The following PTRH1 variants were observed in gnomAD, a reference collection of about 807,000 sequenced individuals.
The protein encoded by PTRH1 is peptidyl-tRNA hydrolase 1 homolog, also known as peptidyl-tRNA hydrolase.
PTRH1 carries 13 observed loss-of-function variants against 15.7 expected under a neutral mutation model. That is an observed-to-expected ratio of 0.83 (90% CI 0.54 to 1.31). PTRH1 has a LOEUF of 1.31. PTRH1 is among the 40% of genes most tolerant of loss of function. The probability of loss-of-function intolerance (pLI) is 0.00; values close to 1 mark genes in which losing one functional copy is unlikely to be tolerated. For synonymous variants in PTRH1, 139 were observed against 136.7 expected, an observed-to-expected ratio of 1.02 and a Z score of -0.12; for missense variants, 319 against 296.2, an observed-to-expected ratio of 1.08 and a Z score of -0.56.
chr9:127,713,713 G>T, downstream of PTRH1: 1 of 745,044 alleles, frequency 1.3e-6, no homozygotes, highest in Admixed American at 2.0e-5. Context: ...CACCATGTTG[G>T]CCAGGCTGGT....
At chr9:127,712,023 C>A, downstream of PTRH1, 1 of 1,539,128 alleles carries the variant, frequency 6.5e-7, no homozygotes. Flanking sequence ...TCTTTCCGAT[C>A]CCACGACCCA....
intron 1 of PTRH1, among the ~76,000 whole-genome samples, chr9:127,702,878 ATT>A (rs768006652): frequency 5.0e-5 from 7 of 140,468 alleles, no homozygotes; most frequent in Non-Finnish European, 4.7e-5. Context: ...CGCCTGGCTA[ATT>A]TTTTTTTTTT....
intron 1 of PTRH1, among the ~76,000 whole-genome samples, chr9:127,699,813 A>G (rs1416715052): frequency 2.0e-5 from 3 of 152,124 alleles, no homozygotes; most frequent in Admixed American, 6.5e-5. Flanking sequence ...TGTCTATTGC[A>G]TAATGGTCAC....
chr9:127,709,436 G>A (rs1842713566), downstream of PTRH1: 1 of 1,613,360 alleles, frequency 6.2e-7, no homozygotes, highest in Non-Finnish European at 8.5e-7. The surrounding 1 kb of genome is among the most constrained non-coding windows in gnomAD (Gnocchi z 4.7). Context: ...CAGCGGAAGT[G>A]GGATGAGCTG....
rs887426526 is a variant in PTRH1 at position 127,707,307 on chromosome 9, A to C, written c.205+8128T>G. 5.3e-6 allele frequency: 6 copies of C among 1,140,316 alleles called. No individual in the cohort carries two copies. In the African/African-American group the frequency reaches 7.7e-5, roughly 15 times the overall value. 70.6% of individuals were successfully genotyped at this position (1,140,316 alleles called of 1,614,324 possible). A position where few individuals can be genotyped will look rare whatever the true frequency, so the allele number is the denominator to read the frequency against. The stretch of plus-strand genomic sequence containing the variant: ...GGCCTGTGTTCTGACCTCCCCTGGG[A>C]TGTCCAGACCCCATCCCGACCCCAG... On this transcript the variant is annotated intron_variant, in intron 1 of 2. Coordinates refer to the PTRH1 transcript ENST00000335223.
downstream of PTRH1, among the ~76,000 whole-genome samples, chr9:127,710,091 A>C (rs1340703721): frequency 6.6e-6 from 1 of 152,076 alleles, no homozygotes; most frequent in Non-Finnish European, 1.5e-5. Context: ...TAGGCAACAT[A>C]GCGACACTCC....
chr9:127,709,570 C>G, downstream of PTRH1: 1 of 1,614,122 alleles, frequency 6.2e-7, no homozygotes, highest in Admixed American at 1.7e-5. This position sits in a 1 kb window ranked among gnomAD's most constrained non-coding sequence, Gnocchi z 4.7. Flanking sequence ...CCTCAACGAG[C>G]AGCTCCAGAA....
downstream of PTRH1, chr9:127,711,303 G>T (rs763234448): frequency 6.2e-7 from 1 of 1,614,178 alleles, no homozygotes; most frequent in South Asian, 1.1e-5. Context: ...AACCGGATGT[G>T]GGAGACAACC....
intron 1 of PTRH1, among the ~76,000 whole-genome samples, chr9:127,699,638 C>T (rs1842589367): frequency 6.6e-6 from 1 of 151,816 alleles, no homozygotes; most frequent in Non-Finnish European, 1.5e-5. Flanking sequence ...ATTGGTGAAG[C>T]GTTCCATATT....
rs975192083 is a variant in PTRH1, at chr9:127,715,099, C to A, written c.192G>T (p.Glu64Asp). 2 of 1,533,284 alleles carry A rather than the reference C, an allele frequency of 1.3e-6. No individual in the cohort carries two copies. The highest frequency in any genetic ancestry group is 1.7e-6 in the Non-Finnish European group (2 of 1,145,752). The allele number at this position is 1,533,284 out of a possible 1,614,324, so 95.0% of individuals were successfully genotyped here. ...GQLARRLGVA[E>D]SWTRDRHCAA... Reference sequence around the variant, plus strand: ...CACAGTGCCGGTCGCGCGTCCAACTCTCCGCCACACCCAGCCGCCGCGCCA... The same window carrying A: ...CACAGTGCCGGTCGCGCGTCCAACTATCCGCCACACCCAGCCGCCGCGCCA... Residue 64 changes from glutamate (E) to aspartate (D), a missense_variant, in exon 2 of 5, where the codon GAG (glutamate) becomes GAT (aspartate). Physicochemically the swap from Glu to Asp is conservative, Grantham distance 45. Coordinates refer to ENST00000543175, the MANE Select transcript of PTRH1 (RefSeq NM_001002913.3). This position sits in a 1 kb window ranked among gnomAD's most constrained non-coding sequence, Gnocchi z 5.8.
chr9:127,698,852 T>C (rs1036512963), intron 1 of PTRH1, among the ~76,000 whole-genome samples: 3 of 151,664 alleles, frequency 2.0e-5, no homozygotes, highest in African/African-American at 7.3e-5. Flanking sequence ...AGTTCCTGAA[T>C]TAGCCGCCCC....
intron 1 of PTRH1, among the ~76,000 whole-genome samples, chr9:127,699,726 A>C (rs940724878): frequency 2.0e-5 from 3 of 151,912 alleles, no homozygotes; most frequent in African/African-American, 4.8e-5. Context: ...GAAAAAAAAA[A>C]CAAAAAAACT....
At chr9:127,704,452 G>A (rs1002521146) in intron 1 of PTRH1, among the ~76,000 whole-genome samples, 1 of 148,802 alleles carries the variant, frequency 6.7e-6, no homozygotes, top group Admixed American at 6.8e-5. Flanking sequence ...GAGGTTGCGA[G>A]CCGAGATGGT....
downstream of PTRH1, among the ~76,000 whole-genome samples, chr9:127,711,662 G>C (rs565337280): frequency 6.6e-6 from 1 of 152,340 alleles, no homozygotes; most frequent in East Asian, 1.9e-4. Flanking sequence ...CCTAGCTCCG[G>C]ATTGTATTTA....
At chr9:127,709,323 C>A (rs111737622), downstream of PTRH1, 4,711 of 1,292,126 alleles carry the variant, frequency 3.6e-3, 139 homozygotes, top group African/African-American at 0.06. This position sits in a 1 kb window ranked among gnomAD's most constrained non-coding sequence, Gnocchi z 4.7. Flanking sequence ...CTCAAATGCC[C>A]CTTTACGGGA....
Position 127,714,440 on chromosome 9 carries a change from GA to G in PTRH1, c.417-17del. ...ATTGTGGCCCCTTCAAGGGATATGG[GA>G]GGGGCAGTTAGTGCCTCCCTGGGGC... On this transcript the variant is annotated splice_polypyrimidine_tract_variant and intron_variant, in intron 3 of 4. Transcript: ENST00000543175. 1 of 1,614,048 alleles carries G rather than the reference GA, an allele frequency of 6.2e-7. No homozygotes were observed. The highest frequency in any genetic ancestry group is 8.5e-7 in the Non-Finnish European group (1 of 1,179,920).
At chr9:127,699,998 C>T (rs142036389) in intron 1 of PTRH1, among the ~76,000 whole-genome samples, 2,146 of 151,974 alleles carry the variant, frequency 0.014, 53 homozygotes, top group African/African-American at 0.05. Context: ...CTGGCCAACA[C>T]GGTGAAACCC....
At chr9:127,711,876 C>T (rs191601743), downstream of PTRH1, 25 of 1,589,206 alleles carry the variant, frequency 1.6e-5, no homozygotes, top group South Asian at 2.3e-5. Context: ...CCAAGGAGGC[C>T]GAGGAGCTGC....
At position 127,713,840 on chromosome 9, in the gene PTRH1, GC is replaced by G. The variant is rs1428107540; in HGVS notation, c.*259del. ...AGCATCTTTAATCTTACAGATGCGT[GC>G]CCCTGGTTCTCTAAAAAGGCTTGAA... On this transcript the variant is annotated 3_prime_UTR_variant, in exon 5 of 5. Transcript: ENST00000543175. The G allele has an allele frequency of 1.2e-6, 2 of 1,613,786 alleles. No individual in the cohort carries two copies. The highest frequency in any genetic ancestry group is 1.7e-6 in the Non-Finnish European group (2 of 1,179,954).
Sources: gnomAD v4.1 joint callset for allele counts (sites outside exome capture counted in the v4.1 genomes callset) on GRCh38, gnomAD v4.1.1 for gene constraint, Gnocchi (gnomAD v3.1) non-coding constraint, MANE v1.5 for transcripts, NCBI Gene and HGNC (gene_info 2026-07-23, HGNC 2026-07-21) for gene names.